Variants in GPR143 observed in about 807,000 individuals in gnomAD.
GPR143 encodes G-protein coupled receptor 143.
A neutral mutation model predicts 27.6 loss-of-function variants in GPR143; 8 were observed. That is an observed-to-expected ratio of 0.29 (90% CI 0.17 to 0.52). The LOEUF (loss-of-function observed/expected upper bound fraction) is 0.52. GPR143 is among the 20% of genes least tolerant of loss of function. The pLI, the probability that GPR143 is intolerant of heterozygous loss-of-function variation, is 0.96. For synonymous variants in GPR143, 156 were observed against 153.2 expected, an observed-to-expected ratio of 1.02 and a Z score of -0.13; for missense variants, 303 against 343.1, an observed-to-expected ratio of 0.88 and a Z score of 0.92.
At chrX:9,743,790 A>G (rs1359282001) in intron 5 of GPR143, 117 bp from the exon 6 acceptor site, 2 of 539,066 alleles carry the variant, frequency 3.7e-6, no homozygotes, top group African/African-American at 4.5e-5. Context: ...CAGGAAGCAA[A>G]GCAAGTCACT....
At chrX:9,752,054 A>G (rs1333323786) in intron 3 of GPR143, among the ~76,000 whole-genome samples, 2 of 112,272 alleles carry the variant, frequency 1.8e-5, no homozygotes, top group African/African-American at 6.5e-5. Flanking sequence ...AATCTAAAAG[A>G]TGAGACTATG....
intron 1 of GPR143, among the ~76,000 whole-genome samples, chrX:9,778,517 C>T (rs1203630156): frequency 9.1e-6 from 1 of 109,739 alleles, no homozygotes; most frequent in African/African-American, 3.3e-5. Flanking sequence ...GATAGGTGTA[C>T]ATTGGCACTG....
At chrX:9,761,161 C>G (rs1358493717) in intron 1 of GPR143, among the ~76,000 whole-genome samples, 1 of 110,842 alleles carries the variant, frequency 9.0e-6, no homozygotes. Context: ...TGGTAAAAAC[C>G]CTGCTCACTG....
At chrX:9,755,270 T>C (rs1248505774) in intron 3 of GPR143, among the ~76,000 whole-genome samples, 1 of 110,774 alleles carries the variant, frequency 9.0e-6, no homozygotes. Flanking sequence ...ATACAAAAAT[T>C]AGCTGGTCAT....
chrX:9,741,094 T>A (rs187115887), intron 7 of GPR143: 16 of 288,256 alleles, frequency 5.6e-5, no homozygotes, highest in African/African-American at 4.4e-4. Context: ...GCAGAAAGTG[T>A]TAAATATAGA....
At chrX:9,737,609 C>T (rs914233375) in intron 8 of GPR143, among the ~76,000 whole-genome samples, 7 of 111,722 alleles carry the variant, frequency 6.3e-5, no homozygotes, top group African/African-American at 2.3e-4. Flanking sequence ...CTTTCTGCAA[C>T]GATGAACATG....
At chrX:9,729,609 A>C (rs1360649157) in intron 8 of GPR143, among the ~76,000 whole-genome samples, 1 of 112,293 alleles carries the variant, frequency 8.9e-6, no homozygotes, top group African/African-American at 3.2e-5. Context: ...TGCTGGTCTT[A>C]AAGGTCTCTG....
Position 9,760,932 on chromosome X carries a change from GAGGAAGGAAGA to G in GPR143, c.251-117_251-107del, listed in dbSNP as rs1569124439. 21 of 470,888 alleles carry G rather than the reference GAGGAAGGAAGA, an allele frequency of 4.5e-5. No individual in the cohort carries two copies. In the South Asian group the frequency reaches 5.7e-4, roughly 13 times the overall value. The allele number at this position is 470,888 out of a possible 1,213,427, so 38.8% of individuals were successfully genotyped here. Reference sequence around the variant, plus strand: ...TACATAATAGATAGAGATAGGAAGAGAGGAAGGAAGAAGGAAGGAAGGAAAGGAGGGAGGGA... The same window carrying G: ...TACATAATAGATAGAGATAGGAAGAGAGGAAGGAAGGAAAGGAGGGAGGGA... On this transcript the variant is annotated intron_variant, in intron 1 of 8. Transcript: ENST00000467482.
intron 3 of GPR143, among the ~76,000 whole-genome samples, chrX:9,758,582 A>C (rs1450528970): frequency 8.9e-6 from 1 of 111,909 alleles, no homozygotes; most frequent in Non-Finnish European, 1.9e-5. Context: ...CATCCTTTGA[A>C]CCTTTAAATA....
intron 8 of GPR143, among the ~76,000 whole-genome samples, chrX:9,733,495 C>T (rs760747167): frequency 5.5e-5 from 6 of 108,723 alleles, no homozygotes; most frequent in Admixed American, 2.9e-4. Context: ...AAGGCTTGTG[C>T]GAGATTCCAG....
At chrX:9,741,758 T>G (rs995032897) in intron 6 of GPR143, among the ~76,000 whole-genome samples, 1 of 110,754 alleles carries the variant, frequency 9.0e-6, no homozygotes, top group Non-Finnish European at 1.9e-5. Context: ...CCAGGTGTGG[T>G]GGTGTGCACC....
intron 2 of GPR143, among the ~76,000 whole-genome samples, chrX:9,760,155 G>A (rs1200995473): frequency 3.6e-5 from 4 of 111,629 alleles, no homozygotes; most frequent in Admixed American, 9.5e-5. Context: ...GCAGTGGCGC[G>A]ATCTTGGCTC....
rs1420250227 is a variant in GPR143 at position 9,777,740 on chromosome X, C to A, written c.-3+8502G>T. Among the ~76,000 whole-genome samples, 3 of 109,269 alleles carry A rather than the reference C, an allele frequency of 2.7e-5. No individual in the cohort carries two copies. In the East Asian group the frequency reaches 8.6e-4, roughly 31 times the overall value. The allele number at this position is 109,269 out of a possible 115,157, so 94.9% of individuals were successfully genotyped here. A position where few individuals can be genotyped will look rare whatever the true frequency, so the allele number is the denominator to read the frequency against. ...GTACCACCTAAAATTATGTACATGG[C>A]CTTTTTGTAATCCATTCCAGTCTGA... On this transcript the variant is annotated intron_variant, in intron 1 of 7. Coordinates refer to the GPR143 transcript ENST00000447366.
intron 4 of GPR143, among the ~76,000 whole-genome samples, chrX:9,748,265 CA>C (rs1352055993): frequency 8.0e-5 from 9 of 112,838 alleles, no homozygotes; most frequent in Non-Finnish European, 1.7e-4. Context: ...TGTACCAATA[CA>C]GGGGCTGGGA....
chrX:9,777,925 C>T (rs767192209), intron 1 of GPR143, among the ~76,000 whole-genome samples: 41 of 110,201 alleles, frequency 3.7e-4, no homozygotes, highest in African/African-American at 1.3e-3. Context: ...CCCGTCTCTA[C>T]TAAAAATACA....
intron 7 of GPR143, 151 bp from the exon 8 acceptor site, chrX:9,739,870 C>T: frequency 2.0e-6 from 1 of 508,374 alleles, no homozygotes; most frequent in South Asian, 2.6e-5. Context: ...GGCTGGTTGA[C>T]TGGTTGGTGG....
upstream of GPR143, among the ~76,000 whole-genome samples, chrX:9,767,583 G>C (rs752097361): frequency 6.4e-4 from 71 of 111,314 alleles, no homozygotes; most frequent in Admixed American, 1.8e-3. Flanking sequence ...CAACAATGAG[G>C]TGCAAACTCC....
At chrX:9,738,780 A>G (rs891352171) in intron 8 of GPR143, among the ~76,000 whole-genome samples, 21 of 111,655 alleles carry the variant, frequency 1.9e-4, no homozygotes, top group African/African-American at 6.2e-4. Flanking sequence ...GTGTGCCTCC[A>G]TGCCGGCTAA....
At chrX:9,740,713 A>G in intron 7 of GPR143, 1 of 295,288 alleles carries the variant, frequency 3.4e-6, no homozygotes, top group Non-Finnish European at 5.9e-6. Context: ...ATAGTCCATC[A>G]AGATGAAAGA....
Sources: allele counts gnomAD v4.1 joint callset (sites outside exome capture counted in the v4.1 genomes callset), GRCh38; gene constraint gnomAD v4.1.1; transcripts MANE v1.5; gene names NCBI Gene and HGNC (gene_info 2026-07-23, HGNC 2026-07-21).